The following PREX2 variants were observed in gnomAD, a reference collection of about 807,000 sequenced individuals.
The protein encoded by PREX2 is phosphatidylinositol-3,4,5-trisphosphate dependent Rac exchange factor 2, also known as phosphatidylinositol 3,4,5-trisphosphate-dependent Rac exchanger 2 protein.
A neutral mutation model predicts 203.2 loss-of-function variants in PREX2; 107 were observed. The observed-to-expected ratio is 0.53, with a 90% confidence interval of 0.45 to 0.62. PREX2 has a LOEUF of 0.62. PREX2 is among the 20% of genes least tolerant of loss of function. The pLI, the probability that PREX2 is intolerant of heterozygous loss-of-function variation, is 0.00. For synonymous variants in PREX2, 672 were observed against 663.6 expected (o/e 1.01, Z -0.19); for missense variants, 1,777 against 1,955.9 (o/e 0.91, Z 1.72).
intron 11 of PREX2, among the ~76,000 whole-genome samples, chr8:68,061,310 C>T (rs1397464347): frequency 6.6e-6 from 1 of 152,202 alleles, no homozygotes; most frequent in African/African-American, 2.4e-5. Context: ...GCCTGGATTC[C>T]AGAACATATG....
intron 5 of PREX2, 61 bp downstream of exon 5, chr8:68,027,384 C>A: frequency 9.3e-7 from 1 of 1,077,364 alleles, no homozygotes; most frequent in Non-Finnish European, 1.4e-6. Flanking sequence ...TGCTGATGAT[C>A]TTTTTAAAAA....
intron 35 of PREX2, 114 bp from the exon 36 acceptor site, chr8:68,191,608 T>A: frequency 1.4e-6 from 1 of 729,182 alleles, no homozygotes; most frequent in Non-Finnish European, 2.4e-6. Flanking sequence ...TAATGTTCAA[T>A]GCTTTTGTTT....
chr8:68,019,190 A>T (rs1807491293), intron 2 of PREX2, among the ~76,000 whole-genome samples: 1 of 152,202 alleles, frequency 6.6e-6, no homozygotes, highest in Non-Finnish European at 1.5e-5. Flanking sequence ...CACCTTCCAG[A>T]GGGAAAAGAG....
intron 37 of PREX2, among the ~76,000 whole-genome samples, chr8:68,204,978 G>T (rs2129614982): frequency 6.6e-6 from 1 of 151,990 alleles, no homozygotes; most frequent in East Asian, 1.9e-4. Flanking sequence ...ACCACGCCCG[G>T]CCCCCTCTGC....
chr8:68,154,615 T>A (rs1437012706), intron 34 of PREX2, among the ~76,000 whole-genome samples: 1 of 152,234 alleles, frequency 6.6e-6, no homozygotes, highest in East Asian at 1.9e-4. Context: ...CAGGGAGAGT[T>A]TCTTTTATTT....
chr8:68,196,465 CTATATATATGTACATA>C lies in PREX2; in HGVS notation c.4604+3963_4604+3978del, dbSNP rs543689452. ...TTATATATTTAATAAAATGGAGACA[CTATATATATGTACATA>C]TATATATATGTACATATATATAGTG... On this transcript the variant is annotated intron_variant, in intron 37 of 39. Coordinates refer to ENST00000288368, the MANE Select transcript of PREX2 (RefSeq NM_024870.4). Among the ~76,000 whole-genome samples, 281 of 146,840 alleles carry C rather than the reference CTATATATATGTACATA, an allele frequency of 1.9e-3. 2 individuals are homozygous for C. In the East Asian group the frequency reaches 0.022, roughly 12 times the overall value.
chr8:68,000,732 T>C (rs1232605239), intron 1 of PREX2, among the ~76,000 whole-genome samples: 9 of 152,118 alleles, frequency 5.9e-5, no homozygotes, highest in Admixed American at 6.5e-5. Flanking sequence ...AACAGTATGG[T>C]ACTGGTACAA....
chr8:68,146,575 G>A (rs1811330261), intron 34 of PREX2, among the ~76,000 whole-genome samples: 1 of 152,124 alleles, frequency 6.6e-6, no homozygotes, highest in African/African-American at 2.4e-5. Flanking sequence ...TAAGACATGA[G>A]TGGTGTAGAT....
intron 37 of PREX2, among the ~76,000 whole-genome samples, chr8:68,217,068 G>T (rs1022186156): frequency 4.6e-5 from 7 of 152,046 alleles, no homozygotes; most frequent in African/African-American, 1.4e-4. Flanking sequence ...GGGCTACTCT[G>T]GGTATCACAT....
chr8:68,100,365 A>G (rs1296624810), intron 23 of PREX2: 3 of 360,546 alleles, frequency 8.3e-6, no homozygotes, highest in African/African-American at 4.3e-5. Flanking sequence ...CTCTCCTCTC[A>G]TGGTGCTCAC....
intron 37 of PREX2, among the ~76,000 whole-genome samples, chr8:68,215,174 A>G (rs992392145): frequency 9.2e-5 from 14 of 152,146 alleles, no homozygotes; most frequent in African/African-American, 2.9e-4. Context: ...ACTGCTGCTT[A>G]CTACAACTTG....
chr8:68,049,022 C>T (rs1808443278), intron 8 of PREX2, among the ~76,000 whole-genome samples: 1 of 148,768 alleles, frequency 6.7e-6, no homozygotes, highest in Non-Finnish European at 1.5e-5. Context: ...AATACATTTT[C>T]AATGTTTTTA....
At chr8:67,981,874 G>A (rs1806282973) in intron 1 of PREX2, among the ~76,000 whole-genome samples, 1 of 152,180 alleles carries the variant, frequency 6.6e-6, no homozygotes, top group African/African-American at 2.4e-5. Flanking sequence ...TGACTTGGTT[G>A]CTCAATTGAG....
intron 34 of PREX2, among the ~76,000 whole-genome samples, chr8:68,150,417 G>C (rs190705874): frequency 6.6e-6 from 1 of 152,314 alleles, no homozygotes; most frequent in East Asian, 1.9e-4. Context: ...GCTGGTCTCT[G>C]TGGCTAAGCT....
At chr8:68,137,446 A>AT (rs1313760240) in intron 32 of PREX2, among the ~76,000 whole-genome samples, 1 of 151,032 alleles carries the variant, frequency 6.6e-6, no homozygotes, top group Non-Finnish European at 1.5e-5. Context: ...TAATTTTTTG[A>AT]TTTTTTGAGA....
intron 7 of PREX2, among the ~76,000 whole-genome samples, chr8:68,044,184 T>C (rs941136757): frequency 6.6e-6 from 1 of 152,112 alleles, no homozygotes; most frequent in Non-Finnish European, 1.5e-5. Context: ...TGTCAGAGTC[T>C]GATTGGGCAC....
intron 1 of PREX2, among the ~76,000 whole-genome samples, chr8:67,985,579 C>T (rs758455233): frequency 4.6e-5 from 7 of 152,026 alleles, no homozygotes; most frequent in East Asian, 1.9e-4. Context: ...TTCTTATTGT[C>T]GGAGATAGGA....
At chr8:68,077,572 C>A in intron 15 of PREX2, 103 bp downstream of exon 15, 1 of 860,488 alleles carries the variant, frequency 1.2e-6, no homozygotes, top group Non-Finnish European at 2.0e-6. Context: ...AGGGATGAGC[C>A]AGCAAGACTG....
At chr8:67,964,653 A>G (rs1805718402) in intron 1 of PREX2, among the ~76,000 whole-genome samples, 1 of 151,916 alleles carries the variant, frequency 6.6e-6, no homozygotes, top group African/African-American at 2.4e-5. Context: ...GGCTTTCACT[A>G]CAGAAAGGCT....
Sources: gnomAD v4.1 joint callset for allele counts (sites outside exome capture counted in the v4.1 genomes callset) on GRCh38, gnomAD v4.1.1 for gene constraint, MANE v1.5 for transcripts, NCBI Gene and HGNC (gene_info 2026-07-23, HGNC 2026-07-21) for gene names.